The following ZNF133 variants were observed in gnomAD, a reference collection of about 807,000 sequenced individuals.
ZNF133 encodes the protein zinc finger protein 133.
ZNF133 carries 26 observed loss-of-function variants against 54.9 expected under a neutral mutation model. The observed-to-expected ratio is 0.47, with a 90% CI of 0.35 to 0.66. The LOEUF (loss-of-function observed/expected upper bound fraction) is 0.66, where lower values mean the gene tolerates loss of function less well. Ranked by LOEUF, ZNF133 falls within the 30% of genes least tolerant of loss-of-function variation. ZNF133 has a pLI of 0.01. For missense variants in ZNF133, 653 were observed against 820.8 expected, an observed-to-expected ratio of 0.80 and a Z score of 2.50; for synonymous variants, 298 against 320.3, an observed-to-expected ratio of 0.93 and a Z score of 0.74.
intron 6 of ZNF133, chr20:18,314,452 C>T (rs903361715): frequency 1.3e-5 from 2 of 152,178 alleles, no homozygotes; most frequent in African/African-American, 4.8e-5. Context: ...GGGACCTGGG[C>T]TCTGTGTTGT....
intron 6 of ZNF133, 89 bp downstream of exon 6, chr20:18,306,482 G>A (rs2044637778): frequency 3.0e-6 from 4 of 1,338,248 alleles, no homozygotes; most frequent in Non-Finnish European, 4.2e-6. Flanking sequence ...TGCTGGGGAG[G>A]GAAGCTGTTC....
chr20:18,299,967 A>G (rs1264233535), intron 3 of ZNF133, among the ~76,000 whole-genome samples: 5 of 152,224 alleles, frequency 3.3e-5, no homozygotes. Context: ...TCAGGTTGAA[A>G]TAAAAGGACT....
In ZNF133 at chr20:18,299,341, T is replaced by C. The variant is rs1391291617; in HGVS notation, c.-178+877T>C. 3.9e-5 allele frequency among the ~76,000 whole-genome samples: 6 copies of C among 152,142 alleles called. No homozygotes were observed. In the South Asian group the frequency reaches 1.2e-3, roughly 32 times the overall value. ...TCATTAGAGGGATTCAGAAGTAGAT[T>C]TGAGCAGACGGAAGAATCAGCAAAC... On this transcript the variant is annotated intron_variant, in intron 3 of 6. Transcript: ENST00000425686.
intron 3 of ZNF133, among the ~76,000 whole-genome samples, chr20:18,300,280 G>A (rs2147201245): frequency 6.6e-6 from 1 of 152,238 alleles, no homozygotes; most frequent in Non-Finnish European, 1.5e-5. Flanking sequence ...TAAAGTTTAG[G>A]ACATTAAGTG....
chr20:18,298,970 A>G (rs1357602857), intron 3 of ZNF133, among the ~76,000 whole-genome samples: 3 of 152,146 alleles, frequency 2.0e-5, no homozygotes, highest in Non-Finnish European at 2.9e-5. Flanking sequence ...ACAAAACAAA[A>G]CAAAACAAAA....
intron 1 of ZNF133, among the ~76,000 whole-genome samples, chr20:18,292,161 A>G (rs1212346802): frequency 1.3e-5 from 2 of 152,204 alleles, no homozygotes; most frequent in East Asian, 3.8e-4. Context: ...GGACGATCAT[A>G]GCCTTTCAGT....
chr20:18,299,146 T>C (rs1428120087), intron 3 of ZNF133, among the ~76,000 whole-genome samples: 2 of 152,038 alleles, frequency 1.3e-5, no homozygotes, highest in Non-Finnish European at 1.5e-5. Context: ...GATAGTGTAC[T>C]TACTAAACAA....
chr20:18,297,420 T>C (rs1323596030), intron 1 of ZNF133, among the ~76,000 whole-genome samples: 2 of 152,136 alleles, frequency 1.3e-5, no homozygotes, highest in Non-Finnish European at 2.9e-5. Flanking sequence ...GAATTTTTAA[T>C]TTATGATCTC....
chr20:18,304,094 AG>A (rs2044057177), intron 3 of ZNF133, among the ~76,000 whole-genome samples: 1 of 152,200 alleles, frequency 6.6e-6, no homozygotes, highest in South Asian at 2.1e-4. Context: ...AAATGGACAA[AG>A]GATTTGAATA....
At chr20:18,310,106 TC>T in intron 6 of ZNF133, 1 of 1,270,366 alleles carries the variant, frequency 7.9e-7, no homozygotes, top group Non-Finnish European at 1.0e-6. Flanking sequence ...AGCTTACCTA[TC>T]ATTGTCTTAA....
At position 18,305,874 on chromosome 20, in the gene ZNF133, C is replaced by T; in HGVS notation, c.121+67C>T. 6.5e-7 allele frequency: 1 copy of T among 1,550,062 alleles called. No individual in the cohort carries two copies. The highest frequency in any genetic ancestry group is 8.7e-7 in the Non-Finnish European group (1 of 1,145,760). On this transcript the variant is annotated intron_variant, in intron 5 of 6. Transcript: ENST00000425686. The surrounding 1 kb of genome is among the most constrained non-coding windows in gnomAD (Gnocchi z 4.7). The stretch of plus-strand genomic sequence containing the variant: ...GAATTTTAGGCTATGCTTGAAGCAG[C>T]CATCTTGCTTTGTTACTTGACCTTT...
intron 1 of ZNF133, among the ~76,000 whole-genome samples, chr20:18,291,730 G>A (rs1256159481): frequency 7.0e-6 from 1 of 142,488 alleles, no homozygotes; most frequent in Non-Finnish European, 1.5e-5. Flanking sequence ...TTTTTTTAGT[G>A]AGACAGGAGT....
At chr20:18,298,961 C>T (rs1006455747) in intron 3 of ZNF133, among the ~76,000 whole-genome samples, 1 of 151,598 alleles carries the variant, frequency 6.6e-6, no homozygotes, top group African/African-American at 2.4e-5. Flanking sequence ...ATATTAAAAA[C>T]AAAACAAAAC....
At chr20:18,299,854 A>C (rs2043013791) in intron 3 of ZNF133, among the ~76,000 whole-genome samples, 1 of 152,230 alleles carries the variant, frequency 6.6e-6, no homozygotes, top group South Asian at 2.1e-4. Flanking sequence ...GTATCTGGCA[A>C]AACTGCCCTT....
At chr20:18,304,302 T>G (rs2044115624) in intron 3 of ZNF133, among the ~76,000 whole-genome samples, 1 of 152,226 alleles carries the variant, frequency 6.6e-6, no homozygotes, top group African/African-American at 2.4e-5. Flanking sequence ...AGAACCCTTG[T>G]GCATTGCGGG....
At chr20:18,289,738 G>C (rs140498723) in intron 1 of ZNF133, among the ~76,000 whole-genome samples, 10 of 152,184 alleles carry the variant, frequency 6.6e-5, no homozygotes, top group Non-Finnish European at 8.8e-5. Flanking sequence ...TGTATACTAA[G>C]TGTTCAGTGA....
intron 6 of ZNF133, among the ~76,000 whole-genome samples, chr20:18,308,376 G>A (rs2045141480): frequency 6.6e-6 from 1 of 152,050 alleles, no homozygotes; most frequent in East Asian, 1.9e-4. Context: ...CAACTTGCTT[G>A]TATCCTTACT....
intron 6 of ZNF133, among the ~76,000 whole-genome samples, chr20:18,308,620 G>A (rs2045198479): frequency 6.6e-6 from 1 of 152,056 alleles, no homozygotes; most frequent in Non-Finnish European, 1.5e-5. Flanking sequence ...TCTTAGCACT[G>A]TACTTTCTGG....
At chr20:18,309,074 A>G (rs1170091499) in intron 6 of ZNF133, among the ~76,000 whole-genome samples, 1 of 152,194 alleles carries the variant, frequency 6.6e-6, no homozygotes, top group Non-Finnish European at 1.5e-5. Context: ...GTGTCTTCAC[A>G]TGGCCCTTTC....
Sources: gnomAD v4.1 joint callset for allele counts (sites outside exome capture counted in the v4.1 genomes callset) on GRCh38, gnomAD v4.1.1 for gene constraint, Gnocchi (gnomAD v3.1) non-coding constraint, MANE v1.5 for transcripts, NCBI Gene and HGNC (gene_info 2026-07-23, HGNC 2026-07-21) for gene names.